The following ARHGEF10L variants were observed in gnomAD, a reference collection of about 807,000 sequenced individuals.
ARHGEF10L encodes the protein Rho guanine nucleotide exchange factor 10 like.
A neutral mutation model predicts 141.2 loss-of-function variants in ARHGEF10L; 69 were observed. The ratio of observed to expected loss-of-function variants is 0.49; its 90% CI spans 0.40 to 0.60. The LOEUF (loss-of-function observed/expected upper bound fraction) is 0.60, where lower values mean the gene tolerates loss of function less well. ARHGEF10L is among the 20% of genes least tolerant of loss of function. The pLI, the probability that ARHGEF10L is intolerant of heterozygous loss-of-function variation, is 0.00. For synonymous variants in ARHGEF10L, 711 were observed against 718.5 expected, an observed-to-expected ratio of 0.99 and a Z score of 0.17; for missense variants, 1,482 against 1,734.3, an observed-to-expected ratio of 0.85 and a Z score of 2.58.
chr1:17,634,518 T>A, intron 16 of ARHGEF10L, 30 bp from the exon 17 acceptor site: 2 of 1,614,076 alleles, frequency 1.2e-6, no homozygotes, highest in South Asian at 1.1e-5. Context: ...GTAATAACAA[T>A]CTCCCTTTCC....
chr1:17,697,283 G>T lies in ARHGEF10L; in HGVS notation c.3743G>T (p.Arg1248Leu), dbSNP rs753769559. Reference protein sequence around the residue: ...VAIISGGQGYRNFGSALGSSG... With the variant: ...VAIISGGQGYLNFGSALGSSG... The stretch of plus-strand genomic sequence containing the variant: ...ATCATCTCCGGCGGGCAGGGCTACC[G>T]CAACTTTGGCAGCGCTCTGGGCAGC... The change falls in exon 29 of 29, where the codon CGC (arginine) becomes CTC (leucine). Residue 1248 changes from arginine to leucine, a missense_variant. Arg to Leu is a moderately radical substitution (Grantham distance 102). This residue lies in a region of ARHGEF10L where 858 missense variants were observed against 966.3 expected (regional missense o/e 0.89). Transcript: ENST00000361221. This position sits in a 1 kb window ranked among gnomAD's most constrained non-coding sequence, Gnocchi z 4.8. 3 of 1,612,638 alleles carry T rather than the reference G, an allele frequency of 1.9e-6. No homozygotes were observed. The highest frequency in any genetic ancestry group is 1.3e-5 in the African/African-American group (1 of 74,940).
chr1:17,654,495 C>T lies in ARHGEF10L; in HGVS notation c.2395-141C>T, dbSNP rs752692284. On this transcript the variant is annotated intron_variant, in intron 22 of 28. Coordinates refer to ENST00000361221, the MANE Select transcript of ARHGEF10L (RefSeq NM_018125.4). This position sits in a 1 kb window ranked among gnomAD's most constrained non-coding sequence, Gnocchi z 4.3. ...GGAACTGCCTGGAGAAGCAGGCACT[C>T]GTGAAGCATGTTGCTTTCCTGGCCC... The T allele has an allele frequency of 3.0e-5, 23 of 766,718 alleles. No homozygotes were observed. Among genetic ancestry groups the T allele is most frequent in the African/African-American group, 8.5e-5 (5 of 59,142 alleles). 47.5% of individuals were successfully genotyped at this position (766,718 alleles called of 1,614,324 possible). A position where few individuals can be genotyped will look rare whatever the true frequency, so the allele number is the denominator to read the frequency against.
chr1:17,618,798 C>A (rs1230037123), intron 9 of ARHGEF10L, among the ~76,000 whole-genome samples: 1 of 152,222 alleles, frequency 6.6e-6, no homozygotes, highest in Non-Finnish European at 1.5e-5. Context: ...CGTCTGAGGT[C>A]CAGCTCCACT....
chr1:17,606,753 G>A (rs545191903), intron 6 of ARHGEF10L, among the ~76,000 whole-genome samples: 1 of 152,194 alleles, frequency 6.6e-6, no homozygotes, highest in Non-Finnish European at 1.5e-5. Flanking sequence ...AACAGATGAA[G>A]AAATGAAACC....
chr1:17,605,153 G>A (rs2081055311), intron 6 of ARHGEF10L, among the ~76,000 whole-genome samples: 1 of 152,220 alleles, frequency 6.6e-6, no homozygotes, highest in Non-Finnish European at 1.5e-5. Flanking sequence ...GAGGGTCCCA[G>A]CACTGGCCTG....
chr1:17,588,849 A>AGTGTGTGTGT (rs57719075), intron 4 of ARHGEF10L, among the ~76,000 whole-genome samples: 556 of 20,400 alleles, frequency 0.027, 70 homozygotes, highest in South Asian at 0.036. Context: ...GAGGGTCCCC[A>AGTGTGTGTGT]GTGTGTGTGT....
upstream of ARHGEF10L, among the ~76,000 whole-genome samples, chr1:17,538,327 C>G (rs542607161): frequency 8.5e-5 from 13 of 152,328 alleles, no homozygotes; most frequent in African/African-American, 3.1e-4. Context: ...GGGCAGGGGC[C>G]GTGCCTGTTG....
At position 17,613,172 on chromosome 1, in the gene ARHGEF10L, A is replaced by G; in HGVS notation, c.724A>G (p.Lys242Glu). 1 of 1,611,980 alleles carries G rather than the reference A, an allele frequency of 6.2e-7. No homozygotes were observed. The highest frequency in any genetic ancestry group is 1.1e-5 in the South Asian group (1 of 90,926). The change falls in exon 8 of 29, where the codon AAG (lysine) becomes GAG (glutamate). Residue 242 changes from lysine (K) to glutamate (E), a missense_variant and splice_region_variant. Coordinates refer to ENST00000361221, the MANE Select transcript of ARHGEF10L (RefSeq NM_018125.4). ...MQELKHKYDC[K>E]MTQLMKAAKS... ...GGAGCTGAAGCACAAGTACGATTGTAAGGTATTGTCTGTCTGTCCCCTCAA... is the reference window on the plus strand; with the variant it reads ...GGAGCTGAAGCACAAGTACGATTGTGAGGTATTGTCTGTCTGTCCCCTCAA...
Position 17,628,632 on chromosome 1 carries a change from T to C in ARHGEF10L, c.1584+1129T>C, listed in dbSNP as rs182683073. Among the ~76,000 whole-genome samples the C allele has an allele frequency of 3.6e-3, 554 of 152,100 alleles. 1 individual carries two copies. The highest frequency in any genetic ancestry group is 4.8e-3 in the Admixed American group (74 of 15,298). On this transcript the variant is annotated intron_variant, in intron 15 of 28. Coordinates refer to ENST00000361221, the MANE Select transcript of ARHGEF10L (RefSeq NM_018125.4). ...GGAGAACGGATACTGTGTGAGGTCA[T>C]AGGGAGAGGTTCAAATTTTCTGGGG...
chr1:17,648,389 G>C (rs983714252), intron 21 of ARHGEF10L, among the ~76,000 whole-genome samples, 165 bp from the exon 22 acceptor site: 1 of 152,192 alleles, frequency 6.6e-6, no homozygotes, highest in Non-Finnish European at 1.5e-5. Context: ...CATCACTCCT[G>C]AGGCTGGATT....
chr1:17,545,819 G>A (rs2076895514), intron 1 of ARHGEF10L, among the ~76,000 whole-genome samples: 1 of 152,210 alleles, frequency 6.6e-6, no homozygotes, highest in African/African-American at 2.4e-5. Context: ...GGGATGTGCG[G>A]AGTGTAGCAG....
intron 25 of ARHGEF10L, among the ~76,000 whole-genome samples, chr1:17,662,627 G>A (rs1458933537): frequency 3.3e-5 from 5 of 152,040 alleles, no homozygotes; most frequent in Non-Finnish European, 7.4e-5. Context: ...TTTTATAGAT[G>A]GGAAAGAGGT....
At chr1:17,590,974 G>A (rs1321436005) in intron 4 of ARHGEF10L, among the ~76,000 whole-genome samples, 2 of 152,138 alleles carry the variant, frequency 1.3e-5, no homozygotes, top group South Asian at 4.1e-4. Flanking sequence ...GTGACAAAGC[G>A]ATACTCTGTC....
chr1:17,648,632 C>T lies in ARHGEF10L; in HGVS notation c.2351C>T (p.Ala784Val). The stretch of plus-strand genomic sequence containing the variant: ...GCCCCATTCTGGTGCCCGATCCTGG[C>T]CTGCTGCATCCCTGCCTTCTCCTCC... ...SKAPFWCPIL[A>V]CCIPAFSSRA... The change falls in exon 22 of 29, where the codon GCC (alanine) becomes GTC (valine). Residue 784 changes from alanine to valine, a missense_variant. Coordinates refer to ENST00000361221, the MANE Select transcript of ARHGEF10L (RefSeq NM_018125.4). 1 of 1,613,172 alleles carries T rather than the reference C, an allele frequency of 6.2e-7. No individual in the cohort carries two copies. Among genetic ancestry groups the T allele is most frequent in the Non-Finnish European group, 8.5e-7 (1 of 1,180,030 alleles).
chr1:17,530,854 A>T, the ARHGEF10L span, among the ~76,000 whole-genome samples: 1 of 151,822 alleles, frequency 6.6e-6, no homozygotes, highest in Non-Finnish European at 1.5e-5. Flanking sequence ...CGAATACAAA[A>T]ATTAGCCGGG....
rs571803465 is a variant in ARHGEF10L, at chr1:17,673,837, C to T, written c.3009+9242C>T. Among the ~76,000 whole-genome samples, 19 of 152,254 alleles carry T rather than the reference C, an allele frequency of 1.2e-4. No individual in the cohort carries two copies. The East Asian group carries it at 3.3e-3, about 26-fold the overall frequency. The stretch of plus-strand genomic sequence containing the variant: ...TAAGCAGCTCCGTGTACATGCAGGT[C>T]CCAGGGCTGTGCCTGGTGGGAGGAA... On this transcript the variant is annotated intron_variant, in intron 26 of 28. Transcript: ENST00000361221. The surrounding 1 kb of genome is among the most constrained non-coding windows in gnomAD (Gnocchi z 4.1).
intron 4 of ARHGEF10L, among the ~76,000 whole-genome samples, chr1:17,601,067 A>C (rs2080627342): frequency 3.6e-5 from 5 of 138,792 alleles, no homozygotes; most frequent in African/African-American, 9.6e-5. Context: ...AAAAAAAAAA[A>C]ACAAAAAACA....
intron 26 of ARHGEF10L, among the ~76,000 whole-genome samples, chr1:17,680,043 C>T (rs961573813): frequency 2.0e-5 from 3 of 152,174 alleles, no homozygotes; most frequent in African/African-American, 4.8e-5. Context: ...GAGCTTGGAG[C>T]GAGGTGCACG....
rs34766409 is a variant in ARHGEF10L at position 17,552,571 on chromosome 1, GTTTTTTTTTTTTTT to G, written c.-44+12640_-44+12653del. Among the ~76,000 whole-genome samples the G allele has an allele frequency of 5.1e-3, 230 of 44,938 alleles. 1 individual carries two copies. Among genetic ancestry groups the G allele is most frequent in the Non-Finnish European group, 6.4e-3 (174 of 27,342 alleles). The allele number at this position is 44,938 out of a possible 152,430, so 29.5% of individuals were successfully genotyped here. On this transcript the variant is annotated intron_variant, in intron 1 of 28. Transcript: ENST00000361221. Reference sequence around the variant, plus strand: ...ATGCTACCACAGCTGGCTAATTTTCGTTTTTTTTTTTTTTTTTTTTTTTTTTTTTTTTAGTAGAT... The same window carrying G: ...ATGCTACCACAGCTGGCTAATTTTCGTTTTTTTTTTTTTTTTTTAGTAGAT...
Sources: allele counts gnomAD v4.1 joint callset (sites outside exome capture counted in the v4.1 genomes callset), GRCh38; gene constraint gnomAD v4.1.1; regional missense constraint gnomAD v4.1.1; non-coding constraint Gnocchi (gnomAD v3.1); transcripts MANE v1.5; gene names NCBI Gene and HGNC (gene_info 2026-07-23, HGNC 2026-07-21).